The following ERC1 variants were observed in gnomAD, a reference collection of about 807,000 sequenced individuals.
ERC1 encodes the protein ELKS/RAB6-interacting/CAST family member 1, also known as RAB6 interacting protein 2.
In ERC1, 56 loss-of-function variants were observed where a neutral mutation model predicts 132.0. The observed-to-expected ratio is 0.42, with a 90% CI of 0.34 to 0.53. The LOEUF (loss-of-function observed/expected upper bound fraction) is 0.53. Among genes scored for constraint, ERC1 ranks in the 20% least tolerant of loss-of-function variants. The probability of loss-of-function intolerance (pLI) is 0.03; values close to 1 mark genes in which losing one functional copy is unlikely to be tolerated. For missense variants in ERC1, 1,202 were observed against 1,349.9 expected (o/e 0.89, Z 1.72); for synonymous variants, 478 against 476.1 (o/e 1.00, Z -0.05).
At chr12:1,102,112 A>G (rs764537996) in intron 3 of ERC1, among the ~76,000 whole-genome samples, 1 of 152,100 alleles carries the variant, frequency 6.6e-6, no homozygotes, top group Admixed American at 6.5e-5. Flanking sequence ...AATTTTAAAG[A>G]CGTTCCTTCT....
At chr12:1,131,280 T>C (rs887037959) in intron 7 of ERC1, among the ~76,000 whole-genome samples, 3 of 151,962 alleles carry the variant, frequency 2.0e-5, no homozygotes, top group African/African-American at 7.3e-5. Flanking sequence ...TGACAGAGGA[T>C]GGAGAACACT....
chr12:1,267,724 T>G (rs1300825539), intron 14 of ERC1, among the ~76,000 whole-genome samples: 1 of 152,204 alleles, frequency 6.6e-6, no homozygotes, highest in Admixed American at 6.5e-5. Flanking sequence ...ATTGTACCAC[T>G]GCATCCCAGT....
chr12:1,284,488 A>G (rs1019588684), intron 14 of ERC1, among the ~76,000 whole-genome samples: 2 of 152,012 alleles, frequency 1.3e-5, no homozygotes, highest in Non-Finnish European at 2.9e-5. Context: ...AGAGAGTTCT[A>G]TTTTTAGTTG....
chr12:1,183,759 A>C (rs761745780), intron 11 of ERC1, among the ~76,000 whole-genome samples: 1 of 150,682 alleles, frequency 6.6e-6, no homozygotes, highest in Non-Finnish European at 1.5e-5. Context: ...TCATGCCTGT[A>C]ATTCCAGCTC....
chr12:1,490,308 C>A lies in ERC1; in HGVS notation c.*78C>A. Reference sequence around the variant, plus strand: ...AACTACGAGGAACAGGTGCCCGGAACCTTCTTGGCACCAAACACTACAAAC... The same window carrying A: ...AACTACGAGGAACAGGTGCCCGGAAACTTCTTGGCACCAAACACTACAAAC... On this transcript the variant is annotated 3_prime_UTR_variant, in exon 19 of 19. Transcript: ENST00000360905. The A allele has an allele frequency of 7.0e-7, 1 of 1,433,418 alleles. No individual in the cohort carries two copies. The highest frequency in any genetic ancestry group is 1.2e-5 in the South Asian group (1 of 80,006). The allele number at this position is 1,433,418 out of a possible 1,614,324, so 88.8% of individuals were successfully genotyped here.
chr12:1,171,217 G>A (rs527336216), intron 8 of ERC1, among the ~76,000 whole-genome samples: 1 of 152,242 alleles, frequency 6.6e-6, no homozygotes, highest in South Asian at 2.1e-4. Flanking sequence ...ATACTGATAT[G>A]AAAACTTTTA....
In ERC1 at chr12:1,290,012, A is replaced by G. The variant is rs1299313506; in HGVS notation, c.2780A>G (p.Lys927Arg). 1 of 1,613,364 alleles carries G rather than the reference A, an allele frequency of 6.2e-7. No individual in the cohort carries two copies. Among genetic ancestry groups the G allele is most frequent in the Non-Finnish European group, 8.5e-7 (1 of 1,179,376 alleles). Residue 927 changes from lysine (K) to arginine (R), a missense_variant and splice_region_variant, in exon 15 of 19, where the codon AAG becomes AGG. Coordinates refer to ENST00000360905, the MANE Select transcript of ERC1 (RefSeq NM_178040.4). The part of the protein sequence containing the change: ...RKHLEEVLEM[K>R]QEALLAAISE... ...CACTTAGAGGAAGTTCTGGAGATGA[A>G]GTAAGTGTTTGTAGTCTTATTCTTC...
chr12:1,138,100 T>TTATA (rs1338210900), intron 7 of ERC1, among the ~76,000 whole-genome samples: 10 of 86,562 alleles, frequency 1.2e-4, no homozygotes, highest in African/African-American at 2.2e-4. Context: ...ATAATCCATA[T>TTATA]TATAATATAA....
intron 18 of ERC1, among the ~76,000 whole-genome samples, chr12:1,468,798 T>C (rs2093799122): frequency 6.6e-6 from 1 of 152,212 alleles, no homozygotes; most frequent in Non-Finnish European, 1.5e-5. Flanking sequence ...TAATCTCCCC[T>C]TTATACACAT....
intron 8 of ERC1, among the ~76,000 whole-genome samples, chr12:1,165,790 A>T (rs1327711124): frequency 1.3e-5 from 2 of 151,984 alleles, no homozygotes; most frequent in Non-Finnish European, 2.9e-5. Flanking sequence ...TTTGGATGGA[A>T]TTTTTTTTCC....
chr12:1,091,047 A>G (rs1441363843), intron 3 of ERC1, among the ~76,000 whole-genome samples: 2 of 151,942 alleles, frequency 1.3e-5, no homozygotes, highest in Admixed American at 1.3e-4. Context: ...ACAGGCGTGC[A>G]CAAGCTAATT....
At chr12:1,126,366 G>A (rs1166568768) in intron 7 of ERC1, among the ~76,000 whole-genome samples, 1 of 88,074 alleles carries the variant, frequency 1.1e-5, no homozygotes, top group Non-Finnish European at 2.9e-5. Context: ...TTTATGTGGA[G>A]AGATAGTCAG....
intron 15 of ERC1, among the ~76,000 whole-genome samples, chr12:1,336,484 T>C (rs143697835): frequency 0.011 from 1,737 of 152,346 alleles, 30 homozygotes; most frequent in African/African-American, 0.039. Flanking sequence ...ACTTCTTGAT[T>C]TCTGCCTTAG....
Position 1,167,802 on chromosome 12 carries a change from C to T in ERC1, c.1738-12738C>T, listed in dbSNP as rs141585124. On this transcript the variant is annotated intron_variant, in intron 8 of 18. Coordinates refer to ENST00000360905, the MANE Select transcript of ERC1 (RefSeq NM_178040.4). The stretch of plus-strand genomic sequence containing the variant: ...CGTGATCTCAGCTCACTGCAACCTC[C>T]GCCTCCTGGGTTCCAGCAGTTCCCC... 6.3e-4 allele frequency among the ~76,000 whole-genome samples: 95 copies of T among 151,564 alleles called. 1 individual carries two copies. In the East Asian group the frequency reaches 0.014, roughly 22 times the overall value.
intron 8 of ERC1, among the ~76,000 whole-genome samples, chr12:1,175,858 A>C (rs1050614929): frequency 2.0e-5 from 3 of 152,112 alleles, no homozygotes; most frequent in Non-Finnish European, 2.9e-5. Flanking sequence ...TTTATCATGA[A>C]GTTGCAGCAG....
chr12:1,428,346 G>A (rs770777202), intron 17 of ERC1, among the ~76,000 whole-genome samples: 10 of 152,238 alleles, frequency 6.6e-5, no homozygotes, highest in Admixed American at 1.3e-4. Flanking sequence ...TTGCATGTAT[G>A]TTATTTACAG....
chr12:1,232,182 T>C (rs2075095250), intron 12 of ERC1, among the ~76,000 whole-genome samples: 1 of 152,176 alleles, frequency 6.6e-6, no homozygotes. Context: ...TGGTGGTGTG[T>C]ATGTGTGTTG....
In ERC1 at chr12:1,097,075, G is replaced by C. The variant is rs79076959; in HGVS notation, c.1087-7675G>C. 1.4e-3 allele frequency among the ~76,000 whole-genome samples: 219 copies of C among 152,088 alleles called. 4 individuals carry two copies. The East Asian group carries it at 0.041, about 28-fold the overall frequency. Reference sequence around the variant, plus strand: ...ATATGCTTTAAATCTCTTAATTACCGATTTGCCCTTAATTCCTCCTTTTTT... The same window carrying C: ...ATATGCTTTAAATCTCTTAATTACCCATTTGCCCTTAATTCCTCCTTTTTT... On this transcript the variant is annotated intron_variant, in intron 3 of 18. Transcript: ENST00000360905.
At chr12:1,070,335 C>T (rs1011818825) in intron 2 of ERC1, among the ~76,000 whole-genome samples, 4 of 150,882 alleles carry the variant, frequency 2.7e-5, no homozygotes, top group African/African-American at 7.3e-5. Context: ...GGGTCTCACT[C>T]TGCCGCCCAG....
Sources: allele counts gnomAD v4.1 joint callset (sites outside exome capture counted in the v4.1 genomes callset), GRCh38; gene constraint gnomAD v4.1.1; transcripts MANE v1.5; gene names NCBI Gene and HGNC (gene_info 2026-07-23, HGNC 2026-07-21).